NTRK2: variants seen among roughly 807,000 people sequenced by gnomAD.
The protein encoded by NTRK2 is neurotrophic receptor tyrosine kinase 2.
Under a neutral mutation model 94.5 loss-of-function variants are expected in NTRK2, and 13 were observed. The ratio of observed to expected loss-of-function variants is 0.14; its 90% CI spans 0.09 to 0.22. The LOEUF is 0.22. Among genes scored for constraint, NTRK2 ranks in the 10% least tolerant of loss-of-function variants. NTRK2 has a pLI of 1.00. For missense variants in NTRK2, 639 were observed against 1,071.2 expected, an observed-to-expected ratio of 0.60 and a Z score of 5.63; for synonymous variants, 372 against 407.4, an observed-to-expected ratio of 0.91 and a Z score of 1.05.
chr9:84,869,096 C>G (rs922894316), intron 14 of NTRK2, among the ~76,000 whole-genome samples: 3 of 152,160 alleles, frequency 2.0e-5, no homozygotes, highest in Non-Finnish European at 2.9e-5. Context: ...ATCCTCTAGT[C>G]AAAAGTGGGC....
intron 2 of NTRK2, among the ~76,000 whole-genome samples, chr9:84,676,651 A>G (rs1450160001): frequency 6.6e-6 from 1 of 152,216 alleles, no homozygotes; most frequent in African/African-American, 2.4e-5. Flanking sequence ...CCTAGCATCC[A>G]AATGAATGCT....
At chr9:84,912,966 A>G (rs1351155639) in intron 14 of NTRK2, among the ~76,000 whole-genome samples, 1 of 152,160 alleles carries the variant, frequency 6.6e-6, no homozygotes, top group Admixed American at 6.5e-5. Flanking sequence ...GATAGCATAT[A>G]GTCAGGTCAT....
At chr9:84,693,949 T>A (rs542200357) in intron 2 of NTRK2, among the ~76,000 whole-genome samples, 17 of 152,368 alleles carry the variant, frequency 1.1e-4, no homozygotes, top group Admixed American at 2.6e-4. Context: ...TATCTCCTAT[T>A]GTTGCTCTAT....
rs545666698 is a variant in NTRK2, at chr9:84,748,137, C to T, written c.1296+3064C>T. On this transcript the variant is annotated intron_variant, in intron 11 of 18. Coordinates refer to ENST00000277120, the MANE Select transcript of NTRK2 (RefSeq NM_006180.6). ...CTTGTTCTATCCTAAGAAATATCCTCAGATGAAAACTAACCCATCAAGCAG... is the reference window on the plus strand; with the variant it reads ...CTTGTTCTATCCTAAGAAATATCCTTAGATGAAAACTAACCCATCAAGCAG... Among the ~76,000 whole-genome samples, 3 of 152,294 alleles carry T rather than the reference C, an allele frequency of 2.0e-5. No homozygotes were observed. The East Asian group carries it at 5.8e-4, about 29-fold the overall frequency.
At chr9:84,898,468 T>A (rs1284303267) in intron 14 of NTRK2, among the ~76,000 whole-genome samples, 2 of 152,052 alleles carry the variant, frequency 1.3e-5, no homozygotes, top group Non-Finnish European at 2.9e-5. Context: ...GAGGGTTATC[T>A]AGTGTTTTCA....
intron 9 of NTRK2, among the ~76,000 whole-genome samples, chr9:84,735,181 C>T (rs192421419): frequency 1.3e-5 from 2 of 152,004 alleles, no homozygotes; most frequent in African/African-American, 2.4e-5. Flanking sequence ...AGTGAGACCC[C>T]GTGTCTATGA....
chr9:84,945,113 A>G (rs2078553125), intron 15 of NTRK2, among the ~76,000 whole-genome samples: 1 of 152,158 alleles, frequency 6.6e-6, no homozygotes, highest in Admixed American at 6.5e-5. Context: ...GAGAGAGTGC[A>G]TTTGGGCAGC....
chr9:84,856,229 G>C (rs1034979234), intron 12 of NTRK2, among the ~76,000 whole-genome samples: 1 of 152,156 alleles, frequency 6.6e-6, no homozygotes, highest in African/African-American at 2.4e-5. Context: ...AATACCCTTT[G>C]TGTCATGATT....
intron 15 of NTRK2, among the ~76,000 whole-genome samples, chr9:84,935,245 A>C (rs2078176788): frequency 6.6e-6 from 1 of 152,210 alleles, no homozygotes; most frequent in Non-Finnish European, 1.5e-5. Flanking sequence ...ACATTTTTAC[A>C]AATGGCATTT....
chr9:84,740,085 T>A (rs996436187), intron 9 of NTRK2, among the ~76,000 whole-genome samples: 2 of 152,222 alleles, frequency 1.3e-5, no homozygotes. Flanking sequence ...ACTGAGTACT[T>A]TGAAGACTGA....
At chr9:85,016,930 C>A (rs147132716) in intron 17 of NTRK2, among the ~76,000 whole-genome samples, 1 of 152,172 alleles carries the variant, frequency 6.6e-6, no homozygotes, top group African/African-American at 2.4e-5. Flanking sequence ...AATAAATGAT[C>A]AGATGAGAAA....
intron 15 of NTRK2, among the ~76,000 whole-genome samples, chr9:84,944,211 T>TCACACACACA (rs1226529948): frequency 2.3e-4 from 32 of 139,026 alleles, no homozygotes; most frequent in East Asian, 8.5e-4. Flanking sequence ...TCTCTCTCTC[T>TCACACACACA]CTCTCACACA....
rs57167822 is a variant in NTRK2 at position 84,798,912 on chromosome 9, CTATATATATATA to C, written c.1396+46845_1396+46856del. On this transcript the variant is annotated intron_variant, in intron 12 of 18. Coordinates refer to ENST00000277120, the MANE Select transcript of NTRK2 (RefSeq NM_006180.6). ...GCTATATGCCAGACACTTCTAAGTGCTATATATATATATATATATATATATATATGCTTATTT... is the reference window on the plus strand; with the variant it reads ...GCTATATGCCAGACACTTCTAAGTGCTATATATATATATATATGCTTATTT... Among the ~76,000 whole-genome samples the C allele has an allele frequency of 8.3e-4, 106 of 128,048 alleles. 1 individual carries two copies. The highest frequency in any genetic ancestry group is 1.8e-3 in the Admixed American group (23 of 12,576). 84.0% of individuals were successfully genotyped at this position (128,048 alleles called of 152,430 possible).
At chr9:84,952,478 T>G (rs1823593732) in intron 16 of NTRK2, among the ~76,000 whole-genome samples, 1 of 152,232 alleles carries the variant, frequency 6.6e-6, no homozygotes, top group East Asian at 1.9e-4. Context: ...AAGGAATGTC[T>G]TCCTGGAAGA....
intron 17 of NTRK2, among the ~76,000 whole-genome samples, chr9:84,979,218 G>T (rs942032833): frequency 6.6e-6 from 1 of 152,194 alleles, no homozygotes; most frequent in African/African-American, 2.4e-5. Context: ...AGTCAATGGA[G>T]AACCTTCTGG....
chr9:84,968,244 C>T (rs1327308118), intron 17 of NTRK2, among the ~76,000 whole-genome samples: 1 of 152,206 alleles, frequency 6.6e-6, no homozygotes. Context: ...GCTCTTCCCA[C>T]TCTGAAAGCT....
At chr9:84,789,395 G>T (rs986300069) in intron 12 of NTRK2, among the ~76,000 whole-genome samples, 6 of 152,194 alleles carry the variant, frequency 3.9e-5, no homozygotes, top group Non-Finnish European at 1.5e-5. Flanking sequence ...CAGAGCCTTT[G>T]CCTTCAAGAG....
intron 14 of NTRK2, among the ~76,000 whole-genome samples, chr9:84,897,875 A>G (rs1291733224): frequency 2.0e-5 from 3 of 152,074 alleles, no homozygotes; most frequent in Non-Finnish European, 4.4e-5. Flanking sequence ...TGAGCAAGGG[A>G]CCCAGGGCTC....
At chr9:84,741,680 T>G (rs1490044136) in intron 9 of NTRK2, among the ~76,000 whole-genome samples, 1 of 152,220 alleles carries the variant, frequency 6.6e-6, no homozygotes, top group African/African-American at 2.4e-5. Context: ...GTTTTCTTTT[T>G]TGGAGGGATG....
Sources: allele counts gnomAD v4.1 joint callset (sites outside exome capture counted in the v4.1 genomes callset), GRCh38; gene constraint gnomAD v4.1.1; transcripts MANE v1.5; gene names NCBI Gene and HGNC (gene_info 2026-07-23, HGNC 2026-07-21).